SMC1B: variants seen among roughly 807,000 people sequenced by gnomAD.
SMC1B encodes structural maintenance of chromosomes protein 1B.
In SMC1B, 60 loss-of-function variants were observed where a neutral mutation model predicts 157.9. The observed-to-expected ratio is 0.38, with a 90% CI of 0.31 to 0.47. The LOEUF (loss-of-function observed/expected upper bound fraction) is 0.47. SMC1B is among the 20% of genes least tolerant of loss of function. The pLI is 0.99. For synonymous variants in SMC1B, 445 were observed against 483.0 expected, an observed-to-expected ratio of 0.92 and a Z score of 1.03; for missense variants, 1,165 against 1,426.2, an observed-to-expected ratio of 0.82 and a Z score of 2.95.
intron 14 of SMC1B, among the ~76,000 whole-genome samples, chr22:45,370,704 A>T (rs1251220579): frequency 6.6e-5 from 10 of 152,206 alleles, no homozygotes; most frequent in Non-Finnish European, 1.2e-4. Flanking sequence ...GGAAAGTTAC[A>T]GTTATAAACA....
rs1298724144 is a variant in SMC1B at position 45,349,812 on chromosome 22, C to T, written c.3426-15G>A. On this transcript the variant is annotated splice_polypyrimidine_tract_variant and intron_variant, in intron 22 of 24. Transcript: ENST00000357450. ...CAGGACGAAAACTAGAAAAAAATTA[C>T]AATCAAGTAAGTTACAATTTTCTAT... is the stretch of plus-strand genomic sequence containing the variant. 3 of 1,590,902 alleles carry T rather than the reference C, an allele frequency of 1.9e-6. No homozygotes were observed. The highest frequency in any genetic ancestry group is 1.8e-5 in the Admixed American group (1 of 56,834).
chr22:45,352,703 A>C, intron 21 of SMC1B, 101 bp from the exon 22 acceptor site: 1 of 1,173,708 alleles, frequency 8.5e-7, no homozygotes, highest in Non-Finnish European at 1.2e-6. Flanking sequence ...CTTTTCTTCA[A>C]TTTTGATGGA....
rs369533780 is a variant in SMC1B at position 45,378,265 on chromosome 22, A to C, written c.2058+5202T>G. Among the ~76,000 whole-genome samples the C allele has an allele frequency of 2.6e-5, 4 of 152,248 alleles. No homozygotes were observed. The South Asian group carries it at 8.3e-4, about 32-fold the overall frequency. ...TAATCCCAAAACTATCTACAAATAC[A>C]CTTCTTAATTTCTATAGAGACAAAT... On this transcript the variant is annotated intron_variant, in intron 12 of 24. Coordinates refer to ENST00000357450, the MANE Select transcript of SMC1B (RefSeq NM_148674.5).
chr22:45,374,240 C>A (rs1040901584), intron 12 of SMC1B, among the ~76,000 whole-genome samples: 7 of 149,176 alleles, frequency 4.7e-5, no homozygotes, highest in African/African-American at 7.4e-5. Flanking sequence ...AAAGTTCAAG[C>A]ATATCATGAG....
At chr22:45,388,487 G>A (rs1022122128) in intron 10 of SMC1B, among the ~76,000 whole-genome samples, 1 of 152,186 alleles carries the variant, frequency 6.6e-6, no homozygotes, top group Non-Finnish European at 1.5e-5. Flanking sequence ...AAGAGTTTTA[G>A]TGAGCAGAAG....
chr22:45,398,364 C>A (rs1321998502), intron 6 of SMC1B, among the ~76,000 whole-genome samples: 1 of 152,240 alleles, frequency 6.6e-6, no homozygotes, highest in Non-Finnish European at 1.5e-5. Context: ...ACACCCTCTT[C>A]TGCTGGGGGC....
chr22:45,373,254 G>A (rs940980550), intron 12 of SMC1B, among the ~76,000 whole-genome samples: 2 of 152,186 alleles, frequency 1.3e-5, no homozygotes, highest in African/African-American at 2.4e-5. Flanking sequence ...TGGTGTCACA[G>A]GCATGTCCTT....
In SMC1B at chr22:45,399,076, C is replaced by T. The variant is rs777308119; in HGVS notation, c.1113+19G>A. On this transcript the variant is annotated intron_variant, in intron 6 of 24. Transcript: ENST00000357450. The stretch of plus-strand genomic sequence containing the variant: ...AAATAATAGAAACACAAGATTTCCC[C>T]TAAGTTGTCCTTTTTTACCTGACTG... 5 of 1,599,098 alleles carry T rather than the reference C, an allele frequency of 3.1e-6. No individual in the cohort carries two copies. The highest frequency in any genetic ancestry group is 2.3e-5 in the South Asian group (2 of 87,496).
At chr22:45,395,958 G>C (rs1192875945) in intron 7 of SMC1B, among the ~76,000 whole-genome samples, 2 of 152,172 alleles carry the variant, frequency 1.3e-5, no homozygotes, top group Non-Finnish European at 2.9e-5. Flanking sequence ...TGCGGTGTTG[G>C]TAACTCTAGA....
At chr22:45,401,530 T>C (rs901742112) in intron 5 of SMC1B, among the ~76,000 whole-genome samples, 6 of 152,196 alleles carry the variant, frequency 3.9e-5, no homozygotes, top group Non-Finnish European at 8.8e-5. Context: ...ATCTGCATAA[T>C]AAAAAATTAG....
At chr22:45,366,046 CAG>C (rs2086772635) in intron 15 of SMC1B, among the ~76,000 whole-genome samples, 1 of 151,982 alleles carries the variant, frequency 6.6e-6, no homozygotes, top group African/African-American at 2.4e-5. Flanking sequence ...GTTTTTGAGA[CAG>C]AGTCTCCCTC....
Position 45,399,232 on chromosome 22 carries a change from A to T in SMC1B, c.976T>A (p.Cys326Ser). The T allele has an allele frequency of 1.2e-6, 2 of 1,614,096 alleles. No homozygotes were observed. The highest frequency in any genetic ancestry group is 8.5e-7 in the Non-Finnish European group (1 of 1,179,994). The change falls in exon 6 of 25, where the codon TGT becomes AGT. Residue 326 changes from cysteine to serine, a missense_variant. Cys to Ser is a moderately radical substitution (Grantham distance 112). Coordinates refer to ENST00000357450, the MANE Select transcript of SMC1B (RefSeq NM_148674.5). ...TTTATATCATCTTCCTGTTTAGAAC[A>T]TTGTTTTTCGCTGTCCTTTATTGAT... The part of the protein sequence containing the change: ...KKSIKDSEKQ[C>S]SKQEDDIKAL...
At chr22:45,384,421 T>C (rs2086970055) in intron 11 of SMC1B, among the ~76,000 whole-genome samples, 1 of 152,142 alleles carries the variant, frequency 6.6e-6, no homozygotes, top group East Asian at 1.9e-4. Flanking sequence ...AGGCTTCCTG[T>C]CTCTGAGATT....
chr22:45,408,791 G>A lies in SMC1B; in HGVS notation c.217C>T (p.Pro73Ser), dbSNP rs1467266817. ...TTTACACTTGCAGAAGAAGAAATAG[G>A]TTTTCCAATATGTGCTCCATGAATG... ...ELIHGAHIGK[P>S]ISSSASVKII... The change falls in exon 2 of 25, where the codon CCT (proline) becomes TCT (serine). Residue 73 changes from proline (P) to serine (S), a missense_variant. Transcript: ENST00000357450. The A allele has an allele frequency of 6.3e-7, 1 of 1,588,204 alleles. No individual in the cohort carries two copies. Among genetic ancestry groups the A allele is most frequent in the Non-Finnish European group, 8.5e-7 (1 of 1,170,766 alleles).
In SMC1B at chr22:45,379,797, A is replaced by G. The variant is rs551862094; in HGVS notation, c.2058+3670T>C. 3.6e-5 allele frequency among the ~76,000 whole-genome samples: 5 copies of G among 140,314 alleles called. No homozygotes were observed. The South Asian group carries it at 1.1e-3, about 32-fold the overall frequency. 92.1% of individuals were successfully genotyped at this position (140,314 alleles called of 152,430 possible). A position where few individuals can be genotyped will look rare whatever the true frequency, so the allele number is the denominator to read the frequency against. On this transcript the variant is annotated intron_variant, in intron 12 of 24. Coordinates refer to ENST00000357450, the MANE Select transcript of SMC1B (RefSeq NM_148674.5). ...TTCTTGGCTGGAGTGCAGTGGCGCA[A>G]TCTGGGCTCCCTGCAACCTCCACCT...
At chr22:45,373,728 T>C (rs963609634) in intron 12 of SMC1B, among the ~76,000 whole-genome samples, 4 of 152,250 alleles carry the variant, frequency 2.6e-5, no homozygotes, top group African/African-American at 9.6e-5. Context: ...TCAGACGTTT[T>C]TCACTGCCTC....
intron 1 of SMC1B, among the ~76,000 whole-genome samples, chr22:45,410,439 A>G (rs369070621): frequency 6.6e-6 from 1 of 152,154 alleles, no homozygotes; most frequent in African/African-American, 2.4e-5. Flanking sequence ...GCAGCAGCTC[A>G]CACCTGTAAT....
chr22:45,383,392 T>C (rs1365477050), intron 12 of SMC1B, 75 bp downstream of exon 12: 1 of 1,113,278 alleles, frequency 9.0e-7, no homozygotes, highest in Non-Finnish European at 1.2e-6. Flanking sequence ...GGCACTGTTA[T>C]TATAAAAAAC....
At chr22:45,399,387 T>C (rs1343024232) in intron 5 of SMC1B, 34 bp from the exon 6 acceptor site, 4 of 1,549,088 alleles carry the variant, frequency 2.6e-6, no homozygotes, top group Non-Finnish European at 3.5e-6. Context: ...TTAAAGAAAA[T>C]TTCATTTCTT....
Sources: allele counts gnomAD v4.1 joint callset (sites outside exome capture counted in the v4.1 genomes callset), GRCh38; gene constraint gnomAD v4.1.1; transcripts MANE v1.5; gene names NCBI Gene and HGNC (gene_info 2026-07-23, HGNC 2026-07-21).